Variants in AATF observed in about 807,000 individuals in gnomAD.
AATF encodes protein AATF.
In AATF, 48 loss-of-function variants were observed where a neutral mutation model predicts 63.7. The observed-to-expected ratio is 0.75, with a 90% CI of 0.60 to 0.96. The LOEUF is 0.96. Among genes scored for constraint, AATF ranks in the 40% least tolerant of loss-of-function variants. The pLI is 0.00. For synonymous variants in AATF, 258 were observed against 247.7 expected, an observed-to-expected ratio of 1.04 and a Z score of -0.39; for missense variants, 639 against 685.7, an observed-to-expected ratio of 0.93 and a Z score of 0.76.
intron 8 of AATF, chr17:36,999,052 G>C (rs1034374933): frequency 6.6e-6 from 1 of 152,112 alleles, no homozygotes; most frequent in African/African-American, 2.4e-5. Flanking sequence ...GGCCTTACGA[G>C]GCACTATTTG....
At chr17:37,015,007 G>T (rs9892873) in intron 8 of AATF, among the ~76,000 whole-genome samples, 2,389 of 152,054 alleles carry the variant, frequency 0.016, 25 homozygotes, top group Non-Finnish European at 0.02. Context: ...AGTTTTGGGG[G>T]TTTTTTTCTC....
At chr17:36,986,769 T>G in intron 5 of AATF, 38 bp downstream of exon 5, 1 of 1,518,408 alleles carries the variant, frequency 6.6e-7, no homozygotes, top group African/African-American at 1.4e-5. Flanking sequence ...TATTTTCTTT[T>G]CATTTGGATA....
chr17:37,026,085 C>T (rs922363428), intron 10 of AATF, among the ~76,000 whole-genome samples: 2 of 152,086 alleles, frequency 1.3e-5, no homozygotes, highest in African/African-American at 2.4e-5. Flanking sequence ...AAAAAAATGC[C>T]TAACCTTAAT....
chr17:36,997,298 T>C (rs943855559), intron 8 of AATF, among the ~76,000 whole-genome samples: 1 of 152,158 alleles, frequency 6.6e-6, no homozygotes, highest in African/African-American at 2.4e-5. Flanking sequence ...TTCAAATATG[T>C]ATATGTATTG....
chr17:37,011,829 T>G (rs1454214526), intron 8 of AATF, among the ~76,000 whole-genome samples: 1 of 152,080 alleles, frequency 6.6e-6, no homozygotes, highest in Non-Finnish European at 1.5e-5. Flanking sequence ...GTAGTTTGAA[T>G]AGAATAATGG....
At position 36,953,112 on chromosome 17, in the gene AATF, TGAG is replaced by T. The variant is rs1372214021; in HGVS notation, c.519_521del (p.Glu174del). On this transcript the variant is annotated inframe_deletion, in exon 3 of 12. Transcript: ENST00000619387. The stretch of plus-strand genomic sequence containing the variant: ...AGGGAATGGATGACCTTGGGAGCAG[TGAG>T]GAGGAGGAAGACGAAGAGAGTGGCA... The T allele has an allele frequency of 3.7e-6, 6 of 1,613,532 alleles. No individual in the cohort carries two copies. Among genetic ancestry groups the T allele is most frequent in the Middle Eastern group, 1.6e-4 (1 of 6,084 alleles).
chr17:37,019,144 T>G, intron 9 of AATF, 72 bp downstream of exon 9: 2 of 1,226,394 alleles, frequency 1.6e-6, no homozygotes, highest in Admixed American at 3.5e-5. Context: ...TCCCTTTAAT[T>G]CTACCTGCAA....
intron 4 of AATF, among the ~76,000 whole-genome samples, 191 bp downstream of exon 4, chr17:36,954,098 C>T (rs1307306509): frequency 2.9e-5 from 4 of 139,962 alleles, no homozygotes; most frequent in Non-Finnish European, 6.0e-5. Context: ...GACAGAGTCT[C>T]GCTCTGTTGC....
At chr17:36,978,651 T>A (rs2142234569) in intron 4 of AATF, among the ~76,000 whole-genome samples, 1 of 152,090 alleles carries the variant, frequency 6.6e-6, no homozygotes, top group African/African-American at 2.4e-5. Flanking sequence ...TTTATCTAAA[T>A]CTGAATATAT....
intron 11 of AATF, among the ~76,000 whole-genome samples, chr17:37,049,028 G>A (rs2071721977): frequency 6.6e-6 from 1 of 152,100 alleles, no homozygotes; most frequent in Non-Finnish European, 1.5e-5. Context: ...TGCCATTTAT[G>A]CAATGCGGAC....
At chr17:36,985,481 C>G (rs1484643831) in intron 4 of AATF, among the ~76,000 whole-genome samples, 1 of 149,444 alleles carries the variant, frequency 6.7e-6, no homozygotes, top group Non-Finnish European at 1.5e-5. Flanking sequence ...CGGGGTCTCA[C>G]TGTGTTGCTG....
At chr17:36,997,372 C>CA (rs1247452237) in intron 8 of AATF, among the ~76,000 whole-genome samples, 1 of 152,062 alleles carries the variant, frequency 6.6e-6, no homozygotes. Flanking sequence ...ACTGCAAACT[C>CA]AAATCAGTAA....
chr17:36,997,014 A>G (rs1428079592), intron 8 of AATF, among the ~76,000 whole-genome samples: 1 of 152,246 alleles, frequency 6.6e-6, no homozygotes, highest in Non-Finnish European at 1.5e-5. Flanking sequence ...TTTCAAACAC[A>G]AATGGTACCT....
chr17:37,007,094 A>G (rs2071346768), intron 8 of AATF, among the ~76,000 whole-genome samples: 1 of 152,140 alleles, frequency 6.6e-6, no homozygotes, highest in African/African-American at 2.4e-5. Context: ...TCCCTGTGTC[A>G]TTCTGTAAAT....
At chr17:36,974,010 A>G (rs1433023522) in intron 4 of AATF, among the ~76,000 whole-genome samples, 4 of 151,758 alleles carry the variant, frequency 2.6e-5, no homozygotes, top group Non-Finnish European at 5.9e-5. Flanking sequence ...TGGAGGTTGC[A>G]GTGAGCCAAA....
At chr17:36,997,843 G>A (rs995689646) in intron 8 of AATF, among the ~76,000 whole-genome samples, 4 of 152,152 alleles carry the variant, frequency 2.6e-5, no homozygotes, top group Non-Finnish European at 4.4e-5. Context: ...ATCAATCAAC[G>A]AGTGGATAAA....
At chr17:36,974,274 A>G (rs927384163) in intron 4 of AATF, among the ~76,000 whole-genome samples, 21 of 152,186 alleles carry the variant, frequency 1.4e-4, no homozygotes, top group Admixed American at 1.3e-3. Flanking sequence ...ATTTCTTTCT[A>G]CTTAACAGAA....
rs368746710 is a variant in AATF, at chr17:37,056,832, C to T, written c.*168C>T. On this transcript the variant is annotated 3_prime_UTR_variant, in exon 12 of 12. Coordinates refer to ENST00000619387, the MANE Select transcript of AATF (RefSeq NM_012138.4). ...GCAAGGGCGCTGTCCCGCCCAACCC[C>T]GCCTTTAAACGCCACAAATAAAGAG... 1.5e-4 allele frequency: 94 copies of T among 624,888 alleles called. No individual in the cohort carries two copies. Among genetic ancestry groups the T allele is most frequent in the African/African-American group, 7.2e-4 (39 of 54,330 alleles). The allele number at this position is 624,888 out of a possible 1,614,324, so 38.7% of individuals were successfully genotyped here.
chr17:37,046,462 G>A (rs1324679070), intron 11 of AATF, among the ~76,000 whole-genome samples: 1 of 152,150 alleles, frequency 6.6e-6, no homozygotes, highest in Non-Finnish European at 1.5e-5. Flanking sequence ...CCAGCAGCTG[G>A]AAGGGCTTGC....
Sources: gnomAD v4.1 joint callset for allele counts (sites outside exome capture counted in the v4.1 genomes callset) on GRCh38, gnomAD v4.1.1 for gene constraint, MANE v1.5 for transcripts, NCBI Gene and HGNC (gene_info 2026-07-23, HGNC 2026-07-21) for gene names.